Variants in DDX41 observed in about 807,000 individuals in gnomAD.
DDX41 encodes probable ATP-dependent RNA helicase DDX41.
DDX41 carries 50 observed loss-of-function variants against 78.8 expected under a neutral mutation model. The observed-to-expected ratio is 0.63, with a 90% CI of 0.51 to 0.80. The LOEUF is 0.80. Ranked by LOEUF, DDX41 falls within the 30% of genes least tolerant of loss-of-function variation. DDX41 has a pLI of 0.00. For synonymous variants in DDX41, 381 were observed against 321.5 expected, an observed-to-expected ratio of 1.19 and a Z score of -1.98; for missense variants, 633 against 849.2, an observed-to-expected ratio of 0.75 and a Z score of 3.16.
At position 177,513,151 on chromosome 5, in the gene DDX41, C is replaced by A; in HGVS notation, c.1231-69G>T. On this transcript the variant is annotated intron_variant, in intron 11 of 16. Transcript: ENST00000330503. The surrounding 1 kb of genome is among the most constrained non-coding windows in gnomAD (Gnocchi z 4.6). ...TACCCGCCACAGCCCTGCCATGGCC[C>A]GTCATCTGGACCAGGAGGTGACCAG... 2.6e-6 allele frequency: 4 copies of A among 1,563,150 alleles called. No individual in the cohort carries two copies. The highest frequency in any genetic ancestry group is 3.5e-6 in the Non-Finnish European group (4 of 1,143,076).
At chr5:177,515,377 A>C in intron 6 of DDX41, 119 bp from the exon 7 acceptor site, 1 of 1,021,238 alleles carries the variant, frequency 9.8e-7, no homozygotes, top group Non-Finnish European at 1.5e-6. Context: ...GCTCAGAGAG[A>C]GAGAGAGAGA....
chr5:177,516,137 T>C lies in DDX41; in HGVS notation c.355A>G (p.Ser119Gly). 6.2e-7 allele frequency: 1 copy of C among 1,613,948 alleles called. No individual in the cohort carries two copies. The highest frequency in any genetic ancestry group is 8.5e-7 in the Non-Finnish European group (1 of 1,180,012). ...ACCATACCTCGGCCCTCGGCAACACTCTCCAGGATCTTCTCTTCTTCCTTC... is the reference window on the plus strand; with the variant it reads ...ACCATACCTCGGCCCTCGGCAACACCCTCCAGGATCTTCTCTTCTTCCTTC... ...QLKEEEKILE[S>G]VAEGRALMSV... Residue 119 changes from serine (S) to glycine (G), a missense_variant, in exon 4 of 17, where the codon AGT (serine) becomes GGT (glycine). Ser to Gly is a moderately conservative substitution (Grantham distance 56). This residue lies in a region of DDX41 where 24 missense variants were observed against 59.8 expected (regional missense o/e 0.40). Coordinates refer to ENST00000330503, the MANE Select transcript of DDX41 (RefSeq NM_016222.4).
At chr5:177,512,472 T>C (rs760689183) in intron 14 of DDX41, 24 bp downstream of exon 14, 1 of 1,614,078 alleles carries the variant, frequency 6.2e-7, no homozygotes, top group East Asian at 2.2e-5. Flanking sequence ...GCCTAACCCA[T>C]GCCCTTGGGC....
intron 6 of DDX41, 109 bp from the exon 7 acceptor site, chr5:177,515,367 G>A (rs768275913): frequency 2.6e-5 from 29 of 1,120,954 alleles, no homozygotes; most frequent in Non-Finnish European, 3.8e-5. Context: ...TGAAACTGAG[G>A]CTCAGAGAGA....
At chr5:177,515,392 A>G (rs760883438) in intron 6 of DDX41, 134 bp from the exon 7 acceptor site, 22 of 542,370 alleles carry the variant, frequency 4.1e-5, no homozygotes, top group Middle Eastern at 6.4e-4. Context: ...GAGAGAGTGG[A>G]AAAAAAAAAA....
chr5:177,514,871 G>A lies in DDX41; in HGVS notation c.799-34C>T. ...AGAGGGACAAAGGCTGGCACCAGAT[G>A]GCAGCCCCAATCTCTGGCCTGCCCT... On this transcript the variant is annotated intron_variant, in intron 8 of 16. Coordinates refer to ENST00000330503, the MANE Select transcript of DDX41 (RefSeq NM_016222.4). The surrounding 1 kb of genome is among the most constrained non-coding windows in gnomAD (Gnocchi z 4.2). The A allele has an allele frequency of 6.2e-7, 1 of 1,604,682 alleles. No homozygotes were observed. Among genetic ancestry groups the A allele is most frequent in the Non-Finnish European group, 8.5e-7 (1 of 1,172,860 alleles).
rs1240174694 is a variant in DDX41, at chr5:177,513,631, T to C, written c.1098+54A>G. 289 of 1,606,382 alleles carry C rather than the reference T, an allele frequency of 1.8e-4. No individual in the cohort carries two copies. The highest frequency in any genetic ancestry group is 2.4e-4 in the Non-Finnish European group (279 of 1,174,760). ...GGGGCATGGGGTCCCTGCAGTCTGA[T>C]GTGGCGTGCAGTGGGGGGCGGTGCA... On this transcript the variant is annotated intron_variant, in intron 10 of 16. Coordinates refer to ENST00000330503, the MANE Select transcript of DDX41 (RefSeq NM_016222.4). The surrounding 1 kb of genome is among the most constrained non-coding windows in gnomAD (Gnocchi z 4.6).
chr5:177,514,327 C>T lies in DDX41; in HGVS notation c.935+374G>A, dbSNP rs775552927. 2.1e-6 allele frequency: 1 copy of T among 476,380 alleles called. No individual in the cohort carries two copies. The highest frequency in any genetic ancestry group is 4.1e-6 in the Non-Finnish European group (1 of 246,910). 29.5% of individuals were successfully genotyped at this position (476,380 alleles called of 1,614,324 possible). A position where few individuals can be genotyped will look rare whatever the true frequency, so the allele number is the denominator to read the frequency against. On this transcript the variant is annotated intron_variant, in intron 9 of 16. Coordinates refer to ENST00000330503, the MANE Select transcript of DDX41 (RefSeq NM_016222.4). This position sits in a 1 kb window ranked among gnomAD's most constrained non-coding sequence, Gnocchi z 4.2. Reference sequence around the variant, plus strand: ...GGTGCCGCTGGGATCCAGCCCTACCCCAGTGCCTCAACCTCCTTGACTGAC... The same window carrying T: ...GGTGCCGCTGGGATCCAGCCCTACCTCAGTGCCTCAACCTCCTTGACTGAC...
chr5:177,512,610 G>A lies in DDX41; in HGVS notation c.1435C>T (p.Arg479Trp), dbSNP rs768638631. The change falls in exon 14 of 17, where the codon CGG (arginine) becomes TGG (tryptophan). Residue 479 changes from arginine to tryptophan, a missense_variant. Arg to Trp is a moderately radical substitution (Grantham distance 101, BLOSUM62 -3). Transcript: ENST00000330503. The stretch of plus-strand genomic sequence containing the variant: ...ACTAGGACATCCTTCTTGCCCTCCC[G>A]GAATGCCTCGATGGCCTTAGTCCGT... ...EERTKAIEAF[R>W]EGKKDVLVAT... is the part of the protein sequence containing the mutation. 14 of 1,614,092 alleles carry A rather than the reference G, an allele frequency of 8.7e-6. No individual in the cohort carries two copies. Among genetic ancestry groups the A allele is most frequent in the Non-Finnish European group, 1.2e-5 (14 of 1,180,024 alleles).
rs1211352420 is a variant in DDX41, at chr5:177,511,618, G to A, written c.*173C>T. The A allele has an allele frequency of 2.2e-5, 20 of 899,854 alleles. No homozygotes were observed. The highest frequency in any genetic ancestry group is 3.4e-5 in the African/African-American group (2 of 59,600). The allele number at this position is 899,854 out of a possible 1,614,324, so 55.7% of individuals were successfully genotyped here. ...GCTTTAATGGCAGCTGGGGTAAAAGGAAACAAAAACAGTAATTCTGAAGAG... is the reference window on the plus strand; with the variant it reads ...GCTTTAATGGCAGCTGGGGTAAAAGAAAACAAAAACAGTAATTCTGAAGAG... On this transcript the variant is annotated 3_prime_UTR_variant, in exon 17 of 17. Coordinates refer to ENST00000330503, the MANE Select transcript of DDX41 (RefSeq NM_016222.4).
rs147023941 is a variant in DDX41 at position 177,513,080 on chromosome 5, C to T, written c.1233G>A (p.Glu411=). 1.1e-3 allele frequency: 1,850 copies of T among 1,613,452 alleles called. 32 individuals carry two copies. Among genetic ancestry groups the T allele is most frequent in the Non-Finnish European group, 2.4e-4 (286 of 1,179,700 alleles). The change falls in exon 12 of 17, where the codon GAG becomes GAA. Residue 411 remains glutamate, a splice_region_variant and synonymous_variant. Transcript: ENST00000330503. This position sits in a 1 kb window ranked among gnomAD's most constrained non-coding sequence, Gnocchi z 4.6. The part of the protein sequence containing the change: ...AGAASLDVIQ[E]VEYVKEEAKM... ...TGGCCTCCTCCTTCACATATTCTAC[C>T]TCCTGCCACCACAAAGATCAGGTCA...
Position 177,515,918 on chromosome 5 carries a change from TAC to T in DDX41, c.434+9_434+10del, listed in dbSNP as rs1416479186. 3 of 1,614,096 alleles carry T rather than the reference TAC, an allele frequency of 1.9e-6. No homozygotes were observed. Among genetic ancestry groups the T allele is most frequent in the African/African-American group, 2.7e-5 (2 of 74,942 alleles). On this transcript the variant is annotated intron_variant, in intron 5 of 16. Coordinates refer to ENST00000330503, the MANE Select transcript of DDX41 (RefSeq NM_016222.4). ...CCTAAGCAAGGGCAACTGCAGACTG[TAC>T]AGACATACCTGGTTTTGATGGGGTC...
chr5:177,516,741 T>A lies in DDX41; in HGVS notation c.122A>T (p.Gln41Leu), dbSNP rs1204442192. The change falls in exon 2 of 17, where the codon CAG becomes CTG. Residue 41 changes from glutamine to leucine, a missense_variant. By Grantham distance (113) the Gln-to-Leu change is moderately radical (BLOSUM62 -2). Transcript: ENST00000330503. ...GCCCCTCACCAGTAGCTGCCGGCGC[T>A]GCCGTAACGGCACATAGGGCACGTA... ...EDYVPYVPLRQRRQLLLQKLL... is the reference protein window; with the variant it reads ...EDYVPYVPLRLRRQLLLQKLL... The A allele has an allele frequency of 6.2e-6, 10 of 1,607,078 alleles. No homozygotes were observed. The highest frequency in any genetic ancestry group is 7.6e-6 in the Non-Finnish European group (9 of 1,177,380).
intron 2 of DDX41, 71 bp downstream of exon 2, chr5:177,516,654 G>A (rs1761248260): frequency 2.0e-6 from 3 of 1,495,966 alleles, no homozygotes; most frequent in Admixed American, 3.9e-5. Flanking sequence ...CCCCACGGAG[G>A]CCGAGGCCAC....
chr5:177,516,190 C>T lies in DDX41; in HGVS notation c.302G>A (p.Arg101His). The change falls in exon 4 of 17, where the codon CGC (arginine) becomes CAC (histidine). Residue 101 changes from arginine to histidine, a missense_variant. This residue lies in a region of DDX41 where 24 missense variants were observed against 59.8 expected (regional missense o/e 0.40). Transcript: ENST00000330503. ...HQHLKEKAEA[R>H]KESAKEKQLK... Reference sequence around the variant, plus strand: ...CTGCTTCTCCTTGGCAGACTCTTTGCGCGCTGAGAAAAGAAGTGGAAGATG... The same window carrying T: ...CTGCTTCTCCTTGGCAGACTCTTTGTGCGCTGAGAAAAGAAGTGGAAGATG... The T allele has an allele frequency of 6.2e-7, 1 of 1,614,100 alleles. No individual in the cohort carries two copies. The highest frequency in any genetic ancestry group is 8.5e-7 in the Non-Finnish European group (1 of 1,180,048).
chr5:177,513,092 C>T lies in DDX41; in HGVS notation c.1231-10G>A. 6.2e-7 allele frequency: 1 copy of T among 1,612,294 alleles called. No homozygotes were observed. The highest frequency in any genetic ancestry group is 8.5e-7 in the Non-Finnish European group (1 of 1,178,930). On this transcript the variant is annotated splice_polypyrimidine_tract_variant and intron_variant, in intron 11 of 16. Coordinates refer to ENST00000330503, the MANE Select transcript of DDX41 (RefSeq NM_016222.4). The surrounding 1 kb of genome is among the most constrained non-coding windows in gnomAD (Gnocchi z 4.6). Reference sequence around the variant, plus strand: ...TCACATATTCTACCTCCTGCCACCACAAAGATCAGGTCAGGTGATCTTGAG... The same window carrying T: ...TCACATATTCTACCTCCTGCCACCATAAAGATCAGGTCAGGTGATCTTGAG...
Position 177,513,917 on chromosome 5 carries a change from C to T in DDX41, c.936-70G>A, listed in dbSNP as rs138960998. On this transcript the variant is annotated intron_variant, in intron 9 of 16. Coordinates refer to ENST00000330503, the MANE Select transcript of DDX41 (RefSeq NM_016222.4). The surrounding 1 kb of genome is among the most constrained non-coding windows in gnomAD (Gnocchi z 4.6). ...CACCTATCTAGAGGCAAGCAGGCACCCTGCATCTGCTCTGCTCTCTGTCCT... is the reference window on the plus strand; with the variant it reads ...CACCTATCTAGAGGCAAGCAGGCACTCTGCATCTGCTCTGCTCTCTGTCCT... 1,211 of 1,471,202 alleles carry T rather than the reference C, an allele frequency of 8.2e-4. 7 individuals are homozygous for T. In the African/African-American group the frequency reaches 0.015, roughly 19 times the overall value. 91.1% of individuals were successfully genotyped at this position (1,471,202 alleles called of 1,614,324 possible). A position where few individuals can be genotyped will look rare whatever the true frequency, so the allele number is the denominator to read the frequency against.
Position 177,514,409 on chromosome 5 carries a change from GC to G in DDX41, c.935+291del. 1 of 516,438 alleles carries G rather than the reference GC, an allele frequency of 1.9e-6. No homozygotes were observed. Among genetic ancestry groups the G allele is most frequent in the Non-Finnish European group, 3.5e-6 (1 of 283,924 alleles). 32.0% of individuals were successfully genotyped at this position (516,438 alleles called of 1,614,324 possible). On this transcript the variant is annotated intron_variant, in intron 9 of 16. Coordinates refer to ENST00000330503, the MANE Select transcript of DDX41 (RefSeq NM_016222.4). This position sits in a 1 kb window ranked among gnomAD's most constrained non-coding sequence, Gnocchi z 4.2. ...CGCCTCTGTGCTTTCAGCCTGGACT[GC>G]CCCTCTTCCCAATTCAAATGTCACC...
rs2127437649 is a variant in DDX41 at position 177,515,925 on chromosome 5, A to G, written c.434+4T>C. 6.2e-7 allele frequency: 1 copy of G among 1,614,204 alleles called. No individual in the cohort carries two copies. The highest frequency in any genetic ancestry group is 8.5e-7 in the Non-Finnish European group (1 of 1,180,032). ...AAGGGCAACTGCAGACTGTACAGAC[A>G]TACCTGGTTTTGATGGGGTCATCAT... On this transcript the variant is annotated splice_donor_region_variant and intron_variant, in intron 5 of 16. Transcript: ENST00000330503.
Sources: gnomAD v4.1 joint callset for allele counts on GRCh38, gnomAD v4.1.1 for gene constraint, gnomAD v4.1.1 regional missense constraint, Gnocchi (gnomAD v3.1) non-coding constraint, MANE v1.5 for transcripts, NCBI Gene and HGNC (gene_info 2026-07-23, HGNC 2026-07-21) for gene names.